TENT5D: variants seen among roughly 807,000 people sequenced by gnomAD.
The protein encoded by TENT5D is terminal nucleotidyltransferase 5D.
For synonymous variants in TENT5D, 103 were observed against 100.6 expected (o/e 1.02, Z -0.15); for missense variants, 191 against 287.0 (o/e 0.67, Z 2.42).
Position 80,432,733 on chromosome X carries a change from G to A in TENT5D, c.-141-5877G>A, listed in dbSNP as rs187498818. ...CTCATGTCCAGGAGAATTAAGGAGC[G>A]CAGAAACAAGGGTGAGATTGGAGCA... is the stretch of plus-strand genomic sequence containing the variant. On this transcript the variant is annotated intron_variant, in intron 1 of 2. Coordinates refer to ENST00000308293, the Ensembl canonical transcript of TENT5D. 4.2e-3 allele frequency among the ~76,000 whole-genome samples: 461 copies of A among 110,995 alleles called. 1 individual carries two copies. Among genetic ancestry groups the A allele is most frequent in the Non-Finnish European group, 6.9e-3 (367 of 52,932 alleles).
At chrX:80,395,565 A>G (rs1443832956) in intron 3 of TENT5D, among the ~76,000 whole-genome samples, 1 of 111,441 alleles carries the variant, frequency 9.0e-6, no homozygotes, top group Non-Finnish European at 1.9e-5. Context: ...TCTTTTTTCA[A>G]TTGTAAATTG....
intron 3 of TENT5D, among the ~76,000 whole-genome samples, chrX:80,408,817 A>C (rs1363530253): frequency 2.7e-4 from 30 of 111,018 alleles, no homozygotes; most frequent in South Asian, 3.9e-4. Context: ...TTAGATCAAT[A>C]TCCTTGATGA....
At chrX:80,384,894 A>G (rs1411889364) in intron 3 of TENT5D, among the ~76,000 whole-genome samples, 1 of 110,832 alleles carries the variant, frequency 9.0e-6, no homozygotes, top group Non-Finnish European at 1.9e-5. Context: ...AAGGAGAACT[A>G]CAAACCACTG....
At chrX:80,439,557 A>G (rs1266515722) in intron 2 of TENT5D, among the ~76,000 whole-genome samples, 1 of 111,333 alleles carries the variant, frequency 9.0e-6, no homozygotes, top group Admixed American at 9.6e-5. Flanking sequence ...CCATATTTGA[A>G]ATTTGTACTA....
At chrX:80,432,511 G>A (rs1236976272) in intron 1 of TENT5D, among the ~76,000 whole-genome samples, 2 of 111,891 alleles carry the variant, frequency 1.8e-5, no homozygotes, top group Non-Finnish European at 3.8e-5. Context: ...CACTGTTTTT[G>A]TTTGCTCTTG....
chrX:80,420,745 T>A (rs760674618), intron 1 of TENT5D, among the ~76,000 whole-genome samples, 182 bp downstream of exon 1: 9 of 112,374 alleles, frequency 8.0e-5, no homozygotes, highest in Non-Finnish European at 1.1e-4. Context: ...CTGAACTCAG[T>A]TAATATGTTT....
At chrX:80,378,210 T>A (rs1930774370) in intron 3 of TENT5D, among the ~76,000 whole-genome samples, 1 of 111,886 alleles carries the variant, frequency 8.9e-6, no homozygotes, top group Admixed American at 9.5e-5. Context: ...GATGGCAGTT[T>A]CTTTTGTTGT....
chrX:80,358,589 G>T (rs1472830638), intron 3 of TENT5D, among the ~76,000 whole-genome samples: 2 of 111,228 alleles, frequency 1.8e-5, no homozygotes, highest in African/African-American at 6.5e-5. Flanking sequence ...TTATTTTTTT[G>T]GAAATATTCT....
intron 1 of TENT5D, among the ~76,000 whole-genome samples, chrX:80,428,109 C>A (rs1238800316): frequency 8.9e-6 from 1 of 112,148 alleles, no homozygotes; most frequent in African/African-American, 3.2e-5. Context: ...CTTACTATTT[C>A]TTTTATCAGT....
At chrX:80,372,805 T>C (rs1316465839) in intron 3 of TENT5D, among the ~76,000 whole-genome samples, 1 of 107,870 alleles carries the variant, frequency 9.3e-6, no homozygotes, top group East Asian at 2.9e-4. Context: ...GAGAATCGCT[T>C]GAACCTGGGA....
intron 3 of TENT5D, among the ~76,000 whole-genome samples, chrX:80,352,415 G>T (rs1402987732): frequency 9.0e-6 from 1 of 111,468 alleles, no homozygotes; most frequent in Non-Finnish European, 1.9e-5. Context: ...GCCACGCTTT[G>T]TTGAGTTCTG....
In TENT5D at chrX:80,386,355, A is replaced by G. The variant is rs191378045; in HGVS notation, c.-142+43791A>G. ...CTCACTCATAGGTGGGAATCGAACA[A>G]TGAGAACCCTTGGACACAGGAAGGG... On this transcript the variant is annotated intron_variant, in intron 3 of 4. Coordinates refer to the TENT5D transcript ENST00000538312. Among the ~76,000 whole-genome samples the G allele has an allele frequency of 3.8e-3, 415 of 110,596 alleles. 4 individuals are homozygous for G. The highest frequency in any genetic ancestry group is 0.013 in the African/African-American group (401 of 30,394).
chrX:80,365,964 T>C (rs1445566513), intron 3 of TENT5D, among the ~76,000 whole-genome samples: 1 of 111,483 alleles, frequency 9.0e-6, no homozygotes, highest in Non-Finnish European at 1.9e-5. Context: ...GGAGCAGTAA[T>C]AGAATAATTG....
At chrX:80,350,917 G>A (rs183282964) in intron 3 of TENT5D, among the ~76,000 whole-genome samples, 1 of 111,712 alleles carries the variant, frequency 9.0e-6, no homozygotes, top group East Asian at 2.8e-4. Context: ...AACTTAGTTT[G>A]GCTGGATATT....
chrX:80,339,169 C>A (rs1929909145), intron 2 of TENT5D, among the ~76,000 whole-genome samples: 1 of 111,173 alleles, frequency 9.0e-6, no homozygotes, highest in African/African-American at 3.3e-5. Context: ...CTTCTTGATT[C>A]CCAGTGCAGT....
rs938338980 is a variant in TENT5D at position 80,423,095 on chromosome X, T to C, written c.-142+2532T>C. Reference sequence around the variant, plus strand: ...TCTGGCCAGCTTGCTTCTCTGAAATTGGTGGCAGTTTGGAGAGGCAGCAAC... The same window carrying C: ...TCTGGCCAGCTTGCTTCTCTGAAATCGGTGGCAGTTTGGAGAGGCAGCAAC... On this transcript the variant is annotated intron_variant, in intron 1 of 2. Coordinates refer to ENST00000308293, the Ensembl canonical transcript of TENT5D. Among the ~76,000 whole-genome samples, 10 of 112,106 alleles carry C rather than the reference T, an allele frequency of 8.9e-5. No individual in the cohort carries two copies. In the East Asian group the frequency reaches 2.8e-3, roughly 32 times the overall value.
intron 3 of TENT5D, among the ~76,000 whole-genome samples, chrX:80,388,757 A>T (rs934201878): frequency 9.0e-6 from 1 of 111,679 alleles, no homozygotes; most frequent in African/African-American, 3.3e-5. Flanking sequence ...TTAGTGTTTC[A>T]TGTTCCCCTC....
intron 3 of TENT5D, among the ~76,000 whole-genome samples, chrX:80,391,874 C>A (rs1280700956): frequency 3.6e-5 from 4 of 112,661 alleles, no homozygotes; most frequent in Non-Finnish European, 5.6e-5. Flanking sequence ...CCGCTAGGCA[C>A]TAGACACATT....
At chrX:80,394,224 T>A (rs965107539) in intron 3 of TENT5D, among the ~76,000 whole-genome samples, 11 of 111,036 alleles carry the variant, frequency 9.9e-5, no homozygotes, top group African/African-American at 3.3e-4. Flanking sequence ...ACTTGTTATC[T>A]TTCATCTTTT....
Sources: gnomAD v4.1 joint callset for allele counts (sites outside exome capture counted in the v4.1 genomes callset) on GRCh38, gnomAD v4.1.1 for gene constraint, MANE v1.5 for transcripts, NCBI Gene and HGNC (gene_info 2026-07-23, HGNC 2026-07-21) for gene names.